Variants in STK31 observed in about 807,000 individuals in gnomAD.
STK31 encodes the protein serine/threonine kinase 31, also known as serine/threonine-protein kinase 31.
In STK31, 89 loss-of-function variants were observed where a neutral mutation model predicts 129.7. The ratio of observed to expected loss-of-function variants is 0.69; its 90% CI spans 0.58 to 0.82. The LOEUF (loss-of-function observed/expected upper bound fraction) is 0.82, where lower values mean the gene tolerates loss of function less well. Ranked by LOEUF, STK31 falls within the 40% of genes least tolerant of loss-of-function variation. The pLI, the probability that STK31 is intolerant of heterozygous loss-of-function variation, is 0.00. For synonymous variants in STK31, 448 were observed against 395.3 expected, an observed-to-expected ratio of 1.13 and a Z score of -1.58; for missense variants, 1,187 against 1,176.4, an observed-to-expected ratio of 1.01 and a Z score of -0.13.
chr7:23,819,262 T>C (rs1584497796), intron 23 of STK31, among the ~76,000 whole-genome samples: 1 of 152,210 alleles, frequency 6.6e-6, no homozygotes, highest in East Asian at 1.9e-4. Flanking sequence ...AGTACAGACA[T>C]TGGCATTCAT....
At chr7:23,748,684 T>G (rs1788501792) in intron 8 of STK31, among the ~76,000 whole-genome samples, 2 of 152,310 alleles carry the variant, frequency 1.3e-5, no homozygotes, top group South Asian at 4.1e-4. Flanking sequence ...AGTAAATATA[T>G]CTTCTCTTTA....
At chr7:23,778,744 C>T (rs1457810537) in intron 15 of STK31, among the ~76,000 whole-genome samples, 1 of 151,894 alleles carries the variant, frequency 6.6e-6, no homozygotes, top group African/African-American at 2.4e-5. Context: ...AACCTTTTTT[C>T]AAGGTTCTTA....
chr7:23,738,451 A>C (rs1787850399), intron 8 of STK31, among the ~76,000 whole-genome samples: 1 of 152,138 alleles, frequency 6.6e-6, no homozygotes, highest in South Asian at 2.1e-4. Context: ...GCAGTGGTGT[A>C]ATTTCTGCTC....
chr7:23,760,525 C>T (rs1193152886), intron 10 of STK31, among the ~76,000 whole-genome samples: 5 of 152,144 alleles, frequency 3.3e-5, no homozygotes, highest in Non-Finnish European at 7.3e-5. Flanking sequence ...GAAACACAGG[C>T]AGTGTGTTTA....
At chr7:23,715,953 C>A (rs11971262) in intron 3 of STK31, among the ~76,000 whole-genome samples, 3 of 152,044 alleles carry the variant, frequency 2.0e-5, no homozygotes, top group African/African-American at 7.2e-5. Context: ...GTATACTCTT[C>A]ACCCAGCTTC....
intron 22 of STK31, among the ~76,000 whole-genome samples, chr7:23,796,708 AC>A (rs1191700272): frequency 6.6e-6 from 1 of 152,158 alleles, no homozygotes; most frequent in African/African-American, 2.4e-5. Flanking sequence ...GCTGGCAACC[AC>A]TGACCTTTTA....
At chr7:23,737,831 T>C (rs565526130) in intron 8 of STK31, among the ~76,000 whole-genome samples, 13 of 151,656 alleles carry the variant, frequency 8.6e-5, no homozygotes, top group South Asian at 2.1e-4. Flanking sequence ...TCAGAAATTT[T>C]CCCCCCCAGG....
intron 7 of STK31, 107 bp from the exon 8 acceptor site, chr7:23,736,797 A>G (rs12539789): frequency 0.5 from 421,483 of 848,838 alleles, 106,280 homozygotes; most frequent in Admixed American, 0.56. Context: ...TTTCAAAATT[A>G]ACTTTCAGAT....
At chr7:23,765,732 A>G (rs528662385) in intron 11 of STK31, among the ~76,000 whole-genome samples, 97 of 152,054 alleles carry the variant, frequency 6.4e-4, no homozygotes, top group African/African-American at 2.2e-3. Flanking sequence ...TTTTTAATAG[A>G]GATGGGGTTT....
At chr7:23,806,598 A>C (rs1370439035) in intron 22 of STK31, among the ~76,000 whole-genome samples, 1 of 152,160 alleles carries the variant, frequency 6.6e-6, no homozygotes, top group African/African-American at 2.4e-5. Context: ...TGAATGTAGG[A>C]GGATTAAGAG....
chr7:23,807,311 C>T (rs1019862494), intron 22 of STK31, among the ~76,000 whole-genome samples: 2 of 152,044 alleles, frequency 1.3e-5, no homozygotes, highest in African/African-American at 4.8e-5. Flanking sequence ...AGAATATTTT[C>T]ACTGGGAATA....
intron 23 of STK31, among the ~76,000 whole-genome samples, chr7:23,828,572 C>T (rs556561581): frequency 6.6e-6 from 1 of 152,356 alleles, no homozygotes; most frequent in Admixed American, 6.5e-5. Context: ...CCTGCTTCAG[C>T]TCACGCATGG....
At chr7:23,805,311 G>C (rs1251006307) in intron 22 of STK31, among the ~76,000 whole-genome samples, 3 of 152,066 alleles carry the variant, frequency 2.0e-5, no homozygotes, top group Non-Finnish European at 4.4e-5. Flanking sequence ...CCTGAGCACA[G>C]GCAGTCCACC....
chr7:23,831,553 A>G (rs1447180896), intron 23 of STK31, among the ~76,000 whole-genome samples: 1 of 152,184 alleles, frequency 6.6e-6, no homozygotes, highest in Non-Finnish European at 1.5e-5. Flanking sequence ...TGGAAAGTTT[A>G]ACTGGTTTAC....
intron 23 of STK31, among the ~76,000 whole-genome samples, chr7:23,821,441 T>G (rs974269271): frequency 2.0e-5 from 3 of 152,212 alleles, no homozygotes; most frequent in Non-Finnish European, 4.4e-5. Context: ...TTTCATATAC[T>G]TATTGGTCAT....
At chr7:23,808,970 T>TGTGTGTGTGTGTGTGTGTGTGTGTGTGA in intron 22 of STK31, among the ~76,000 whole-genome samples, 1 of 139,660 alleles carries the variant, frequency 7.2e-6, no homozygotes, top group Admixed American at 7.5e-5. Flanking sequence ...TGTGTGTGTG[T>TGTGTGTGTGTGTGTGTGTGTGTGTGTGA]GCCTGTGTCT....
At chr7:23,825,342 G>T (rs1456130903) in intron 23 of STK31, among the ~76,000 whole-genome samples, 1 of 152,194 alleles carries the variant, frequency 6.6e-6, no homozygotes. Flanking sequence ...TGTATGTGTC[G>T]AGGAATTCAA....
At position 23,808,970 on chromosome 7, in the gene STK31, T is replaced by TGTGTGTGTGTGTGTGTGCGCGC. The variant is rs60631283; in HGVS notation, c.2761-6173_2761-6172insTGTGTGTGTGTGTGTGCGCGCG. On this transcript the variant is annotated intron_variant, in intron 22 of 23. Coordinates refer to ENST00000355870, the MANE Select transcript of STK31 (RefSeq NM_031414.5). ...GTGTGTGTGTGTGTGTGTGTGTGTG[T>TGTGTGTGTGTGTGTGTGCGCGC]GCCTGTGTCTGTTGGCATTTCTGGG... is the stretch of plus-strand genomic sequence containing the variant. Among the ~76,000 whole-genome samples, 280 of 139,656 alleles carry TGTGTGTGTGTGTGTGTGCGCGC rather than the reference T, an allele frequency of 2.0e-3. 2 individuals are homozygous for TGTGTGTGTGTGTGTGTGCGCGC. Among genetic ancestry groups the TGTGTGTGTGTGTGTGTGCGCGC allele is most frequent in the Admixed American group, 6.8e-3 (91 of 13,304 alleles). 91.6% of individuals were successfully genotyped at this position (139,656 alleles called of 152,430 possible). A position where few individuals can be genotyped will look rare whatever the true frequency, so the allele number is the denominator to read the frequency against.
intron 3 of STK31, among the ~76,000 whole-genome samples, chr7:23,714,075 A>G (rs1231446209): frequency 6.6e-6 from 1 of 152,128 alleles, no homozygotes; most frequent in African/African-American, 2.4e-5. Context: ...TTTCAGCTTC[A>G]TTATAATCTT....
Sources: allele counts gnomAD v4.1 joint callset (sites outside exome capture counted in the v4.1 genomes callset), GRCh38; gene constraint gnomAD v4.1.1; transcripts MANE v1.5; gene names NCBI Gene and HGNC (gene_info 2026-07-23, HGNC 2026-07-21).